The following CACHD1 variants were observed in gnomAD, a reference collection of about 807,000 sequenced individuals.
CACHD1 encodes VWFA and cache domain-containing protein 1.
Under a neutral mutation model 138.7 loss-of-function variants are expected in CACHD1, and 71 were observed. The observed-to-expected ratio is 0.51, with a 90% CI of 0.42 to 0.62. CACHD1 has a LOEUF of 0.62. Ranked by LOEUF, CACHD1 falls within the 20% of genes least tolerant of loss-of-function variation. The pLI is 0.00. For synonymous variants in CACHD1, 578 were observed against 591.5 expected, an observed-to-expected ratio of 0.98 and a Z score of 0.33; for missense variants, 1,389 against 1,625.3, an observed-to-expected ratio of 0.85 and a Z score of 2.50.
At chr1:64,652,097 G>T in intron 9 of CACHD1, 64 bp from the exon 10 acceptor site, 1 of 1,420,702 alleles carries the variant, frequency 7.0e-7, no homozygotes, top group Non-Finnish European at 9.6e-7. Context: ...CCGGAGCACA[G>T]TTCCAGTCTT....
At chr1:64,679,452 T>G (rs1346258357) in intron 23 of CACHD1, 143 bp from the exon 24 acceptor site, 4 of 878,170 alleles carry the variant, frequency 4.6e-6, no homozygotes, top group Non-Finnish European at 5.4e-6. Context: ...GCGTCATGTT[T>G]GAGGAACTCA....
At chr1:64,656,033 C>A (rs556594196) in intron 12 of CACHD1, among the ~76,000 whole-genome samples, 1 of 152,188 alleles carries the variant, frequency 6.6e-6, no homozygotes, top group Non-Finnish European at 1.5e-5. Context: ...AGACAAACAG[C>A]AACTCGATAC....
intron 26 of CACHD1, among the ~76,000 whole-genome samples, chr1:64,686,649 T>C (rs1650380761): frequency 6.6e-6 from 1 of 152,228 alleles, no homozygotes; most frequent in Non-Finnish European, 1.5e-5. Flanking sequence ...CAATCATCTA[T>C]TGGCTTATTT....
intron 21 of CACHD1, 96 bp downstream of exon 21, chr1:64,676,079 A>G: frequency 2.2e-6 from 1 of 458,282 alleles, no homozygotes; most frequent in Admixed American, 4.9e-5. Context: ...ATTTGTTTTG[A>G]GTTAGGGCGT....
Position 64,658,187 on chromosome 1 carries a change from G to A in CACHD1, c.1783-518G>A, listed in dbSNP as rs184181984. On this transcript the variant is annotated intron_variant, in intron 12 of 26. Transcript: ENST00000651257. ...TTGGTCATTTCCAACCAGGAGAAGA[G>A]AAAGCATTCGTTGGAATAGAATGAA... 1.4e-3 allele frequency among the ~76,000 whole-genome samples: 208 copies of A among 152,310 alleles called. 2 individuals are homozygous for A. The highest frequency in any genetic ancestry group is 4.9e-3 in the African/African-American group (204 of 41,562).
intron 5 of CACHD1, among the ~76,000 whole-genome samples, chr1:64,631,159 G>A (rs1215536485): frequency 3.3e-5 from 5 of 152,210 alleles, no homozygotes; most frequent in Non-Finnish European, 7.3e-5. Flanking sequence ...ACAACTTAAT[G>A]TGACAATGCC....
chr1:64,682,145 C>T (rs775171581), intron 26 of CACHD1, 39 bp downstream of exon 26: 2 of 1,551,168 alleles, frequency 1.3e-6, no homozygotes, highest in East Asian at 2.2e-5. Flanking sequence ...CCCAAGGAAC[C>T]TCATGTACTC....
intron 25 of CACHD1, among the ~76,000 whole-genome samples, chr1:64,681,541 G>GTTTTGTTT (rs1553146853): frequency 1.0e-4 from 7 of 68,130 alleles, no homozygotes; most frequent in African/African-American, 5.1e-4. Flanking sequence ...ATTTTATTGT[G>GTTTTGTTT]TTTTTTTTTT....
At chr1:64,481,878 A>T (rs1356893237) in intron 1 of CACHD1, among the ~76,000 whole-genome samples, 2 of 152,206 alleles carry the variant, frequency 1.3e-5, no homozygotes, top group African/African-American at 4.8e-5. Context: ...ATATATAAAA[A>T]TTTAACCAGC....
intron 2 of CACHD1, among the ~76,000 whole-genome samples, chr1:64,576,431 G>A (rs115577032): frequency 0.023 from 3,409 of 151,488 alleles, 126 homozygotes; most frequent in African/African-American, 0.079. Context: ...CTGAGGTTCT[G>A]TTATGCTTGC....
chr1:64,587,833 G>C (rs1000141955), intron 3 of CACHD1, among the ~76,000 whole-genome samples: 5 of 152,126 alleles, frequency 3.3e-5, no homozygotes, highest in Non-Finnish European at 5.9e-5. Flanking sequence ...TACACCTATG[G>C]ACTATATCTG....
chr1:64,516,329 C>A (rs1168814893), intron 1 of CACHD1, among the ~76,000 whole-genome samples: 1 of 152,188 alleles, frequency 6.6e-6, no homozygotes, highest in Non-Finnish European at 1.5e-5. Flanking sequence ...ATGTTCAGTA[C>A]ATAACTTGCA....
rs764017197 is a variant in CACHD1 at position 64,471,008 on chromosome 1, C to A, written c.198+66C>A. The A allele has an allele frequency of 1.4e-5, 21 of 1,466,964 alleles. 1 individual carries two copies. The South Asian group carries it at 2.7e-4, about 19-fold the overall frequency. The allele number at this position is 1,466,964 out of a possible 1,614,324, so 90.9% of individuals were successfully genotyped here. A position where few individuals can be genotyped will look rare whatever the true frequency, so the allele number is the denominator to read the frequency against. On this transcript the variant is annotated intron_variant, in intron 1 of 26. Coordinates refer to ENST00000651257, the MANE Select transcript of CACHD1 (RefSeq NM_020925.4). The stretch of plus-strand genomic sequence containing the variant: ...CTTTGCTCAAACTCCCATCCCACTC[C>A]CGGTACAAGTCCCCTGGACTGTGTG...
At chr1:64,565,753 C>G (rs1646876348) in intron 2 of CACHD1, among the ~76,000 whole-genome samples, 1 of 152,154 alleles carries the variant, frequency 6.6e-6, no homozygotes, top group African/African-American at 2.4e-5. Flanking sequence ...ATTTTATCCT[C>G]TTAATGACAT....
intron 1 of CACHD1, among the ~76,000 whole-genome samples, chr1:64,497,561 C>T (rs1328968341): frequency 6.6e-6 from 1 of 151,962 alleles, no homozygotes; most frequent in African/African-American, 2.4e-5. Flanking sequence ...TCATATAGTT[C>T]AGGAAAAAAA....
At position 64,652,289 on chromosome 1, in the gene CACHD1, A is replaced by G. The variant is rs151144862; in HGVS notation, c.1519A>G (p.Thr507Ala). ...TTACCAAGACTCTTTGGCTTCCTAT[A>G]CTTTTCTCATAGACGACAAAGGTAA... is the stretch of plus-strand genomic sequence containing the variant. Reference protein sequence around the residue: ...TYYQDSLASYTFLIDDKGYTL... With the variant: ...TYYQDSLASYAFLIDDKGYTL... The change falls in exon 10 of 27, where the codon ACT becomes GCT. Residue 507 changes from threonine (T) to alanine (A), a missense_variant. This residue lies in a region of CACHD1 where 1,000 missense variants were observed against 1,114.7 expected (regional missense o/e 0.90). Coordinates refer to ENST00000651257, the MANE Select transcript of CACHD1 (RefSeq NM_020925.4). 1.9e-6 allele frequency: 3 copies of G among 1,609,554 alleles called. No homozygotes were observed. The highest frequency in any genetic ancestry group is 1.3e-5 in the African/African-American group (1 of 74,590).
Position 64,691,727 on chromosome 1 carries a change from AAAC to A in CACHD1, c.*174_*176del, listed in dbSNP as rs201681106. ...CTGTCGACATGGTTAAAAACGAGAG[AAAC>A]AACAACACAGTCACATTTGTGAAGA... On this transcript the variant is annotated 3_prime_UTR_variant, in exon 27 of 27. Transcript: ENST00000651257. The A allele has an allele frequency of 2.5e-4, 153 of 622,414 alleles. No homozygotes were observed. The East Asian group carries it at 4.1e-3, about 17-fold the overall frequency. The allele number at this position is 622,414 out of a possible 1,614,324, so 38.6% of individuals were successfully genotyped here.
At chr1:64,471,014 C>A in intron 1 of CACHD1, 72 bp downstream of exon 1, 1 of 1,450,848 alleles carries the variant, frequency 6.9e-7, no homozygotes, top group Non-Finnish European at 9.3e-7. Context: ...ACTCCCGGTA[C>A]AAGTCCCCTG....
intron 1 of CACHD1, among the ~76,000 whole-genome samples, chr1:64,545,367 C>A (rs1646710592): frequency 6.6e-6 from 1 of 152,174 alleles, no homozygotes; most frequent in Non-Finnish European, 1.5e-5. Context: ...ATGCCCTATT[C>A]TATTCATTCT....
Sources: gnomAD v4.1 joint callset for allele counts (sites outside exome capture counted in the v4.1 genomes callset) on GRCh38, gnomAD v4.1.1 for gene constraint, gnomAD v4.1.1 regional missense constraint, MANE v1.5 for transcripts, NCBI Gene and HGNC (gene_info 2026-07-23, HGNC 2026-07-21) for gene names.